Variants in CDK5RAP1 observed in about 807,000 individuals in gnomAD.
CDK5RAP1 encodes the protein CDK5RAP1 mitochondrial tRNA methylthiotransferase, also known as mitochondrial tRNA methylthiotransferase CDK5RAP1.
Under a neutral mutation model 64.5 loss-of-function variants are expected in CDK5RAP1, and 62 were observed. That is an observed-to-expected ratio of 0.96 (90% CI 0.78 to 1.19). The LOEUF is 1.19. Ranked by LOEUF, CDK5RAP1 falls within the 50% of genes most tolerant of loss-of-function variation. The probability of loss-of-function intolerance (pLI) is 0.00; values close to 1 mark genes in which losing one functional copy is unlikely to be tolerated. For synonymous variants in CDK5RAP1, 250 were observed against 261.9 expected, an observed-to-expected ratio of 0.95 and a Z score of 0.44; for missense variants, 657 against 735.0, an observed-to-expected ratio of 0.89 and a Z score of 1.23.
intron 12 of CDK5RAP1, 25 bp downstream of exon 12, chr20:33,366,834 A>C (rs772660397): frequency 1.3e-6 from 2 of 1,588,472 alleles, no homozygotes; most frequent in East Asian, 4.5e-5. Flanking sequence ...AAAAAACAAC[A>C]TAACACACAC....
At chr20:33,367,990 T>C (rs1984306790) in intron 11 of CDK5RAP1, among the ~76,000 whole-genome samples, 3 of 152,204 alleles carry the variant, frequency 2.0e-5, no homozygotes, top group South Asian at 4.1e-4. Context: ...AACAATAACT[T>C]ACCTCTGTTG....
At chr20:33,375,401 C>CAAAAAAA (rs200212971) in intron 8 of CDK5RAP1, among the ~76,000 whole-genome samples, 1 of 57,462 alleles carries the variant, frequency 1.7e-5, no homozygotes, top group East Asian at 5.0e-4. Flanking sequence ...GACTCCATCT[C>CAAAAAAA]AAAAAAAAAA....
At chr20:33,378,925 T>C (rs1986380663) in intron 8 of CDK5RAP1, among the ~76,000 whole-genome samples, 2 of 152,102 alleles carry the variant, frequency 1.3e-5, no homozygotes, top group Non-Finnish European at 2.9e-5. Context: ...TCCCGCTGAA[T>C]ATCAGTCCTA....
At chr20:33,366,765 G>A in intron 12 of CDK5RAP1, 94 bp downstream of exon 12, 1 of 1,194,126 alleles carries the variant, frequency 8.4e-7, no homozygotes, top group African/African-American at 1.5e-5. Context: ...CCAGCAGTTT[G>A]AGTCCAGCCT....
Position 33,374,169 on chromosome 20 carries a change from ATC to A in CDK5RAP1, c.1149_1150del (p.Gln383HisfsTer33). 6.2e-7 allele frequency: 1 copy of A among 1,613,974 alleles called. No homozygotes were observed. Among genetic ancestry groups the A allele is most frequent in the Middle Eastern group, 1.6e-4 (1 of 6,062 alleles). On this transcript the variant is annotated frameshift_variant, in exon 9 of 14. Coordinates refer to ENST00000346416, the MANE Select transcript of CDK5RAP1 (RefSeq NM_016408.4). LOFTEE classifies it high-confidence loss of function. ...GCTTCCACTCTGGGCTGGCAGGTGG[ATC>A]TGTTTACAGATGTTATCTCTCTCAT...
Position 33,401,431 on chromosome 20 carries a change from C to T in CDK5RAP1, c.-24G>A. On this transcript the variant is annotated 5_prime_UTR_variant, in exon 1 of 14. Transcript: ENST00000346416. ...CCCCGGCGGCCGCGCTGCTCACCTCCCGCAGCAGCAACAGTGCCCGGGGTC... is the reference window on the plus strand; with the variant it reads ...CCCCGGCGGCCGCGCTGCTCACCTCTCGCAGCAGCAACAGTGCCCGGGGTC... 1.0e-6 allele frequency: 1 copy of T among 985,498 alleles called. No homozygotes were observed. The highest frequency in any genetic ancestry group is 1.2e-6 in the Non-Finnish European group (1 of 829,962). 61.0% of individuals were successfully genotyped at this position (985,498 alleles called of 1,614,324 possible). A position where few individuals can be genotyped will look rare whatever the true frequency, so the allele number is the denominator to read the frequency against.
chr20:33,363,997 AACAGGGAAAT>A (rs1453157522), intron 12 of CDK5RAP1, among the ~76,000 whole-genome samples: 3 of 152,182 alleles, frequency 2.0e-5, no homozygotes, highest in Non-Finnish European at 4.4e-5. Context: ...TCATGAGACA[AACAGGGAAAT>A]TAGAACACTG....
In CDK5RAP1 at chr20:33,367,083, G is replaced by A. The variant is rs1000298505; in HGVS notation, c.1393-75C>T. ...AGAATCTATTCTTAATGCACAGAGG[G>A]CGACCATGTTCATTCTACCTACAAG... On this transcript the variant is annotated intron_variant, in intron 11 of 13. Transcript: ENST00000346416. The A allele has an allele frequency of 1.9e-5, 28 of 1,445,404 alleles. No individual in the cohort carries two copies. In the African/African-American group the frequency reaches 3.9e-4, roughly 20 times the overall value. The allele number at this position is 1,445,404 out of a possible 1,614,324, so 89.5% of individuals were successfully genotyped here.
chr20:33,387,294 T>C, intron 6 of CDK5RAP1, 29 bp downstream of exon 6: 2 of 1,550,566 alleles, frequency 1.3e-6, no homozygotes, highest in Non-Finnish European at 1.8e-6. Context: ...GGAAGAGGCT[T>C]ATTCCCTATC....
chr20:33,390,880 T>C (rs1988230193), intron 5 of CDK5RAP1, among the ~76,000 whole-genome samples: 1 of 152,156 alleles, frequency 6.6e-6, no homozygotes, highest in Admixed American at 6.6e-5. Context: ...GTTAAATACA[T>C]TAACTAAATT....
chr20:33,369,299 C>A (rs1355770650), intron 11 of CDK5RAP1, among the ~76,000 whole-genome samples: 1 of 151,418 alleles, frequency 6.6e-6, no homozygotes, highest in African/African-American at 2.4e-5. Context: ...CTGGCTAATG[C>A]GGTGAAACCC....
intron 5 of CDK5RAP1, among the ~76,000 whole-genome samples, chr20:33,390,659 G>T (rs904791124): frequency 6.6e-6 from 1 of 152,044 alleles, no homozygotes; most frequent in Non-Finnish European, 1.5e-5. Flanking sequence ...TTATTCTTGG[G>T]ATTTCTGAAA....
intron 11 of CDK5RAP1, 123 bp downstream of exon 11, chr20:33,370,376 G>C (rs1003650646): frequency 1.3e-5 from 12 of 955,532 alleles, no homozygotes; most frequent in Admixed American, 2.4e-5. Flanking sequence ...GAAGTGAATC[G>C]TAAGAGCCTG....
intron 11 of CDK5RAP1, among the ~76,000 whole-genome samples, chr20:33,367,387 C>T (rs1568683325): frequency 6.6e-6 from 1 of 152,192 alleles, no homozygotes; most frequent in Non-Finnish European, 1.5e-5. Context: ...CAAGTAGTCA[C>T]AGAAATTATG....
Position 33,360,393 on chromosome 20 carries a change from C to T in CDK5RAP1, c.1641G>A (p.Gly547=). ...CCCCAGGCTGGGCTCTGACCCTGAG[C>T]CCAGGGTTATTGACATCCTCCATCT... is the stretch of plus-strand genomic sequence containing the variant. The part of the protein sequence containing the change: ...DAEMEDVNNP[G]LRVRAQPGDY... Residue 547 remains glycine (G), a synonymous_variant, in exon 13 of 14, where the codon GGG becomes GGA. Transcript: ENST00000346416. 6.2e-7 allele frequency: 1 copy of T among 1,614,078 alleles called. No individual in the cohort carries two copies. Among genetic ancestry groups the T allele is most frequent in the Non-Finnish European group, 8.5e-7 (1 of 1,179,964 alleles).
intron 11 of CDK5RAP1, among the ~76,000 whole-genome samples, chr20:33,368,867 G>A (rs551306650): frequency 9.2e-5 from 14 of 151,634 alleles, no homozygotes; most frequent in Admixed American, 2.6e-4. Flanking sequence ...GCGAGACTCC[G>A]TCTCAAAAAA....
chr20:33,373,858 T>C (rs377565753), intron 9 of CDK5RAP1: 1 of 487,560 alleles, frequency 2.1e-6, no homozygotes, highest in Non-Finnish European at 3.6e-6. Context: ...AAATACTTAC[T>C]GTCACACAGT....
At chr20:33,399,993 G>C (rs1161673272) in intron 1 of CDK5RAP1, among the ~76,000 whole-genome samples, 2 of 152,108 alleles carry the variant, frequency 1.3e-5, no homozygotes, top group Non-Finnish European at 2.9e-5. Context: ...GCAGTGAGCT[G>C]AGATTGCGCC....
chr20:33,394,139 T>A, intron 3 of CDK5RAP1, 73 bp from the exon 4 acceptor site: 1 of 960,974 alleles, frequency 1.0e-6, no homozygotes, highest in Non-Finnish European at 1.6e-6. Flanking sequence ...ATTCCTGCCC[T>A]ACAGCTCTTT....
Sources: allele counts gnomAD v4.1 joint callset (sites outside exome capture counted in the v4.1 genomes callset), GRCh38; gene constraint gnomAD v4.1.1; transcripts MANE v1.5; gene names NCBI Gene and HGNC (gene_info 2026-07-23, HGNC 2026-07-21).